The following TNFRSF19 variants were observed in gnomAD, a reference collection of about 807,000 sequenced individuals.
TNFRSF19 encodes tumor necrosis factor receptor superfamily member 19.
TNFRSF19 carries 27 observed loss-of-function variants against 46.4 expected under a neutral mutation model. That is an observed-to-expected ratio of 0.58 (90% CI 0.43 to 0.80). The LOEUF (loss-of-function observed/expected upper bound fraction) is 0.80, where lower values mean the gene tolerates loss of function less well. Ranked by LOEUF, TNFRSF19 falls within the 30% of genes least tolerant of loss-of-function variation. The pLI, the probability that TNFRSF19 is intolerant of heterozygous loss-of-function variation, is 0.00. For synonymous variants in TNFRSF19, 204 were observed against 205.0 expected (o/e 1.00, Z 0.04); for missense variants, 511 against 530.8 (o/e 0.96, Z 0.37).
intron 3 of TNFRSF19, among the ~76,000 whole-genome samples, chr13:23,607,708 C>T (rs1408291448): frequency 6.6e-6 from 1 of 151,972 alleles, no homozygotes; most frequent in Admixed American, 6.5e-5. Context: ...TTTATTGTAA[C>T]ATTGTTATGT....
intron 5 of TNFRSF19, among the ~76,000 whole-genome samples, chr13:23,631,298 C>T (rs892406099): frequency 2.0e-5 from 3 of 152,132 alleles, no homozygotes; most frequent in African/African-American, 7.2e-5. Flanking sequence ...ACAAAGCATT[C>T]TAAGGGTTTT....
At chr13:23,653,998 C>T (rs573728918) in intron 5 of TNFRSF19, among the ~76,000 whole-genome samples, 2 of 152,188 alleles carry the variant, frequency 1.3e-5, no homozygotes, top group South Asian at 4.2e-4. Flanking sequence ...GTCTTGGTGT[C>T]TGCGTGAGGA....
At chr13:23,594,317 C>A (rs1248403919) in intron 3 of TNFRSF19, 1 of 451,218 alleles carries the variant, frequency 2.2e-6, no homozygotes, top group Admixed American at 2.4e-5. Context: ...TCAGCAGATC[C>A]AACTCCCATG....
chr13:23,573,013 T>G (rs983546600), intron 1 of TNFRSF19, among the ~76,000 whole-genome samples: 4 of 151,726 alleles, frequency 2.6e-5, no homozygotes, highest in Non-Finnish European at 4.4e-5. Context: ...GTGAGGGAGT[T>G]GATCACATCA....
At chr13:23,646,324 C>A (rs934450000) in intron 5 of TNFRSF19, among the ~76,000 whole-genome samples, 6 of 152,110 alleles carry the variant, frequency 3.9e-5, no homozygotes, top group Admixed American at 1.3e-4. Flanking sequence ...TTTAAGTATA[C>A]AAGTCAGTGA....
chr13:23,571,600 T>C (rs1877636512), intron 1 of TNFRSF19, among the ~76,000 whole-genome samples: 1 of 152,188 alleles, frequency 6.6e-6, no homozygotes, highest in African/African-American at 2.4e-5. Context: ...CTGTTTTAAG[T>C]CAAAATTTGC....
intron 1 of TNFRSF19, among the ~76,000 whole-genome samples, chr13:23,572,928 A>G (rs560679025): frequency 1.3e-5 from 2 of 152,360 alleles, no homozygotes; most frequent in African/African-American, 4.8e-5. Flanking sequence ...CAAGTCTTCA[A>G]AAGACTTTTA....
At chr13:23,652,721 G>A (rs1883724250) in intron 5 of TNFRSF19, among the ~76,000 whole-genome samples, 1 of 152,180 alleles carries the variant, frequency 6.6e-6, no homozygotes, top group Non-Finnish European at 1.5e-5. Context: ...AAGGTTATTA[G>A]ACAACCAATG....
At chr13:23,595,259 T>C (rs1219536649) in intron 3 of TNFRSF19, among the ~76,000 whole-genome samples, 1 of 152,156 alleles carries the variant, frequency 6.6e-6, no homozygotes, top group Non-Finnish European at 1.5e-5. Flanking sequence ...GAGAATGAGT[T>C]TGACAAATTG....
chr13:23,662,304 T>A (rs1006179160), intron 7 of TNFRSF19, among the ~76,000 whole-genome samples: 2 of 152,188 alleles, frequency 1.3e-5, no homozygotes, highest in Admixed American at 1.3e-4. Context: ...CCCTATTGCT[T>A]TTGTCAATTT....
intron 3 of TNFRSF19, among the ~76,000 whole-genome samples, chr13:23,614,551 T>C (rs1881127534): frequency 6.6e-6 from 1 of 152,128 alleles, no homozygotes; most frequent in Non-Finnish European, 1.5e-5. Flanking sequence ...CTTGCAAGCC[T>C]TTCTTCCTCT....
chr13:23,571,645 G>A (rs1033879610), intron 1 of TNFRSF19, among the ~76,000 whole-genome samples: 4 of 152,082 alleles, frequency 2.6e-5, no homozygotes, highest in Non-Finnish European at 4.4e-5. Flanking sequence ...GTAATCAACA[G>A]TTATTATGTT....
rs1187442423 is a variant in TNFRSF19, at chr13:23,660,261, G to A, written c.611-104G>A. Reference sequence around the variant, plus strand: ...ATGTAAGAAGAAGTCATCAAACATTGGAAGGATAGCTGATTTGTTCTTTAA... The same window carrying A: ...ATGTAAGAAGAAGTCATCAAACATTAGAAGGATAGCTGATTTGTTCTTTAA... On this transcript the variant is annotated intron_variant, in intron 6 of 9. Coordinates refer to ENST00000248484, the MANE Select transcript of TNFRSF19 (RefSeq NM_148957.4). The A allele has an allele frequency of 5.9e-6, 7 of 1,181,090 alleles. No homozygotes were observed. In the African/African-American group the frequency reaches 7.8e-5, roughly 13 times the overall value. 73.2% of individuals were successfully genotyped at this position (1,181,090 alleles called of 1,614,324 possible).
intron 5 of TNFRSF19, among the ~76,000 whole-genome samples, chr13:23,641,404 C>T (rs999674435): frequency 1.3e-5 from 2 of 152,214 alleles, no homozygotes; most frequent in Non-Finnish European, 2.9e-5. Context: ...ACAATCTCAG[C>T]TCACTATAAC....
intron 5 of TNFRSF19, among the ~76,000 whole-genome samples, chr13:23,637,259 C>T (rs1275957466): frequency 6.6e-6 from 1 of 152,210 alleles, no homozygotes; most frequent in Non-Finnish European, 1.5e-5. Context: ...AAGACTAATG[C>T]AAACCCATCT....
At chr13:23,625,629 G>C (rs1881949660) in intron 4 of TNFRSF19, among the ~76,000 whole-genome samples, 1 of 152,058 alleles carries the variant, frequency 6.6e-6, no homozygotes, top group African/African-American at 2.4e-5. Context: ...CGCCCGGCCT[G>C]TATTCTTACA....
chr13:23,572,532 G>A (rs1877698780), intron 1 of TNFRSF19, among the ~76,000 whole-genome samples: 1 of 152,240 alleles, frequency 6.6e-6, no homozygotes, highest in East Asian at 1.9e-4. Flanking sequence ...CTGCTACTAG[G>A]ATCATTTTAA....
chr13:23,610,619 T>TA (rs1482431417), intron 3 of TNFRSF19, among the ~76,000 whole-genome samples: 1 of 152,188 alleles, frequency 6.6e-6, no homozygotes, highest in Non-Finnish European at 1.5e-5. Context: ...AGGATTTTTT[T>TA]AAAGTATTTA....
intron 2 of TNFRSF19, among the ~76,000 whole-genome samples, chr13:23,592,552 G>T (rs1879391273): frequency 6.6e-6 from 1 of 152,098 alleles, no homozygotes; most frequent in African/African-American, 2.4e-5. Flanking sequence ...CCTATGCTGT[G>T]AACCAAAGCA....
Sources: allele counts gnomAD v4.1 joint callset (sites outside exome capture counted in the v4.1 genomes callset), GRCh38; gene constraint gnomAD v4.1.1; transcripts MANE v1.5; gene names NCBI Gene and HGNC (gene_info 2026-07-23, HGNC 2026-07-21).